Variants in KLF8 observed in about 807,000 individuals in gnomAD.
KLF8 encodes the protein Krueppel-like factor 8.
KLF8 carries 10 observed loss-of-function variants against 18.2 expected under a neutral mutation model. The observed-to-expected ratio is 0.55, with a 90% CI of 0.34 to 0.93. The LOEUF is 0.93. Among genes scored for constraint, KLF8 ranks in the 40% least tolerant of loss-of-function variants. KLF8 has a pLI of 0.02. For synonymous variants in KLF8, 109 were observed against 97.3 expected, an observed-to-expected ratio of 1.12 and a Z score of -0.71; for missense variants, 264 against 277.9, an observed-to-expected ratio of 0.95 and a Z score of 0.36.
chrX:56,269,387 A>G lies in KLF8; in HGVS notation c.656A>G (p.Asp219Gly). The change falls in exon 4 of 6, where the codon GAC (aspartate) becomes GGC (glycine). Residue 219 changes from aspartate (D) to glycine (G), a missense_variant. Asp to Gly is a moderately conservative substitution (Grantham distance 94). This residue lies in a region of KLF8 where 221 missense variants were observed against 193.6 expected (regional missense o/e 1.14). Transcript: ENST00000468660. ...CTTTCTTTGCTTTTAGTGAAAGTTG[A>G]CCCCACCTCCATGTCTCCACTGGAA... is the stretch of plus-strand genomic sequence containing the variant. ...DGKNAGSVKVDPTSMSPLEIP... is the reference protein window; with the variant it reads ...DGKNAGSVKVGPTSMSPLEIP... The G allele has an allele frequency of 1.7e-6, 2 of 1,205,949 alleles. No individual in the cohort carries two copies. Among genetic ancestry groups the G allele is most frequent in the Non-Finnish European group, 2.2e-6 (2 of 892,910 alleles).
At chrX:56,055,413 G>T in the KLF8 span, among the ~76,000 whole-genome samples, 3 of 111,486 alleles carry the variant, frequency 2.7e-5, no homozygotes, top group Non-Finnish European at 5.7e-5. Flanking sequence ...TTTCCAGTAG[G>T]GTTTCTGCTG....
At chrX:55,939,615 G>A in the KLF8 span, among the ~76,000 whole-genome samples, 1 of 110,827 alleles carries the variant, frequency 9.0e-6, no homozygotes, top group Non-Finnish European at 1.9e-5. Flanking sequence ...TCAACAAAAT[G>A]GATAGACCAC....
the KLF8 span, among the ~76,000 whole-genome samples, chrX:55,965,867 G>A: frequency 1.2e-3 from 135 of 111,865 alleles, no homozygotes; most frequent in Non-Finnish European, 1.9e-3. Context: ...GCAAAACACT[G>A]CCTATTTTGG....
chrX:56,168,298 C>T, the KLF8 span, among the ~76,000 whole-genome samples: 2 of 111,369 alleles, frequency 1.8e-5, no homozygotes, highest in African/African-American at 6.5e-5. Context: ...GAAAGCAATT[C>T]TATGGACAAT....
the KLF8 span, among the ~76,000 whole-genome samples, chrX:56,029,722 A>G: frequency 3.6e-5 from 4 of 111,541 alleles, no homozygotes; most frequent in African/African-American, 1.3e-4. Context: ...TATCTTTCCA[A>G]TGTCCTATTT....
chrX:56,170,104 A>C, the KLF8 span, among the ~76,000 whole-genome samples: 1 of 111,359 alleles, frequency 9.0e-6, no homozygotes, highest in Non-Finnish European at 1.9e-5. Flanking sequence ...TACATCTATT[A>C]GTCTAGAAAA....
At chrX:55,938,043 G>A in the KLF8 span, among the ~76,000 whole-genome samples, 1 of 110,924 alleles carries the variant, frequency 9.0e-6, no homozygotes, top group African/African-American at 3.3e-5. Context: ...GATACTCCTC[G>A]AGAAGAGCAA....
At chrX:56,246,993 C>T (rs1412686291) in intron 1 of KLF8, among the ~76,000 whole-genome samples, 1 of 111,345 alleles carries the variant, frequency 9.0e-6, no homozygotes, top group Non-Finnish European at 1.9e-5. Context: ...GTTCTATATG[C>T]CAGGATTTGT....
At chrX:56,176,006 G>A in the KLF8 span, among the ~76,000 whole-genome samples, 1 of 111,783 alleles carries the variant, frequency 8.9e-6, no homozygotes, top group African/African-American at 3.3e-5. Flanking sequence ...CATGTGAGAT[G>A]TGTCTCCTGA....
chrX:56,212,826 C>T, the KLF8 span, among the ~76,000 whole-genome samples: 3 of 111,485 alleles, frequency 2.7e-5, no homozygotes, highest in African/African-American at 9.8e-5. Flanking sequence ...AACTTGGTGT[C>T]CTTGCAGGGA....
At chrX:56,269,626 C>G (rs991521252) in intron 4 of KLF8, 137 bp downstream of exon 4, 1 of 996,371 alleles carries the variant, frequency 1.0e-6, no homozygotes, top group African/African-American at 2.0e-5. Flanking sequence ...TATAGGGAGA[C>G]TGCCTTTCCA....
the KLF8 span, among the ~76,000 whole-genome samples, chrX:55,966,477 G>T: frequency 3.6e-5 from 4 of 112,071 alleles, no homozygotes; most frequent in African/African-American, 1.3e-4. Flanking sequence ...AGGTAATCCA[G>T]ATAATTCTTC....
chrX:56,179,043 G>A, the KLF8 span, among the ~76,000 whole-genome samples: 92 of 111,714 alleles, frequency 8.2e-4, no homozygotes, highest in African/African-American at 2.9e-3. Flanking sequence ...AGCTTGATGG[G>A]GATGGCATTG....
chrX:56,191,402 C>A, the KLF8 span, among the ~76,000 whole-genome samples: 3 of 111,594 alleles, frequency 2.7e-5, no homozygotes, highest in Admixed American at 2.9e-4. Flanking sequence ...AAATACCACT[C>A]CTACTCAAAC....
the KLF8 span, among the ~76,000 whole-genome samples, chrX:56,082,421 C>T: frequency 9.2e-6 from 1 of 108,678 alleles, no homozygotes; most frequent in Non-Finnish European, 1.9e-5. Flanking sequence ...GTTTTGTTTA[C>T]TTTCTGCCTC....
the KLF8 span, among the ~76,000 whole-genome samples, chrX:56,152,839 T>A: frequency 8.9e-6 from 1 of 112,192 alleles, no homozygotes; most frequent in South Asian, 3.7e-4. Flanking sequence ...TAATCCTTAC[T>A]ATGCCCAGTA....
chrX:55,912,776 A>G, the KLF8 span, among the ~76,000 whole-genome samples: 1 of 111,767 alleles, frequency 8.9e-6, no homozygotes, highest in Non-Finnish European at 1.9e-5. Flanking sequence ...TTGCTAACAT[A>G]TATTGAAGAC....
At chrX:56,242,262 C>G (rs1364704488) in intron 1 of KLF8, among the ~76,000 whole-genome samples, 3 of 112,093 alleles carry the variant, frequency 2.7e-5, no homozygotes, top group Non-Finnish European at 5.6e-5. Flanking sequence ...GCTGAAAGCA[C>G]TGGAGGCTAT....
the KLF8 span, among the ~76,000 whole-genome samples, chrX:56,081,205 G>C: frequency 9.0e-6 from 1 of 111,633 alleles, no homozygotes; most frequent in African/African-American, 3.3e-5. Context: ...GCGTTCCTTT[G>C]GAGGAGGAGA....
Sources: allele counts gnomAD v4.1 joint callset (sites outside exome capture counted in the v4.1 genomes callset), GRCh38; gene constraint gnomAD v4.1.1; regional missense constraint gnomAD v4.1.1; transcripts MANE v1.5; gene names NCBI Gene and HGNC (gene_info 2026-07-23, HGNC 2026-07-21).